Variants in VKORC1L1 observed in about 807,000 individuals in gnomAD.
The protein encoded by VKORC1L1 is vitamin K epoxide reductase complex subunit 1-like protein 1.
In VKORC1L1, 2 loss-of-function variants were observed where a neutral mutation model predicts 18.9. The observed-to-expected ratio is 0.11, with a 90% CI of 0.04 to 0.33. The LOEUF (loss-of-function observed/expected upper bound fraction) is 0.33, where lower values mean the gene tolerates loss of function less well. Among genes scored for constraint, VKORC1L1 ranks in the 10% least tolerant of loss-of-function variants. The probability of loss-of-function intolerance (pLI) is 1.00; values close to 1 mark genes in which losing one functional copy is unlikely to be tolerated. For missense variants in VKORC1L1, 123 were observed against 224.1 expected (o/e 0.55, Z 2.88); for synonymous variants, 96 against 100.0 (o/e 0.96, Z 0.24).
chr7:65,901,876 A>T (rs560306132), intron 1 of VKORC1L1, among the ~76,000 whole-genome samples: 2 of 152,304 alleles, frequency 1.3e-5, no homozygotes, highest in East Asian at 3.9e-4. Flanking sequence ...CTCAACACAG[A>T]GCTGGGAATA....
At chr7:65,874,302 T>C (rs558761065) in intron 1 of VKORC1L1, among the ~76,000 whole-genome samples, 16 of 152,168 alleles carry the variant, frequency 1.1e-4, no homozygotes, top group African/African-American at 2.9e-4. Context: ...TTAAGCTTCA[T>C]TGGAGTAAAG....
intron 1 of VKORC1L1, among the ~76,000 whole-genome samples, chr7:65,943,314 A>AC (rs1213539213): frequency 6.6e-6 from 1 of 152,228 alleles, no homozygotes; most frequent in African/African-American, 2.4e-5. Context: ...TATTGAGAGA[A>AC]ACCAGTAAAA....
chr7:65,928,103 T>A (rs1185043329), intron 1 of VKORC1L1, among the ~76,000 whole-genome samples: 1 of 151,198 alleles, frequency 6.6e-6, no homozygotes, highest in African/African-American at 2.4e-5. Flanking sequence ...AACTATTGAA[T>A]TTTTTTTTAA....
upstream of VKORC1L1, among the ~76,000 whole-genome samples, chr7:65,870,379 G>A (rs1245299467): frequency 2.0e-5 from 3 of 151,940 alleles, no homozygotes; most frequent in Admixed American, 1.3e-4. Flanking sequence ...GCAGTGAGTC[G>A]AGATTGCATC....
At chr7:65,895,526 C>G (rs1190761034) in intron 1 of VKORC1L1, among the ~76,000 whole-genome samples, 4 of 127,554 alleles carry the variant, frequency 3.1e-5, no homozygotes, top group African/African-American at 1.2e-4. Context: ...TACACACACA[C>G]ACACACACAC....
chr7:65,881,732 C>A (rs1301484051), intron 1 of VKORC1L1, among the ~76,000 whole-genome samples: 2 of 152,156 alleles, frequency 1.3e-5, no homozygotes, highest in Admixed American at 1.3e-4. Flanking sequence ...GTACTTGGGA[C>A]CTCCCTGTGT....
At chr7:65,879,584 G>C (rs1462478444) in intron 1 of VKORC1L1, among the ~76,000 whole-genome samples, 3 of 152,112 alleles carry the variant, frequency 2.0e-5, no homozygotes, top group African/African-American at 4.8e-5. Context: ...GTAGTACAGT[G>C]GCAGAGGCCT....
chr7:65,881,240 A>C (rs1788922965), intron 1 of VKORC1L1, among the ~76,000 whole-genome samples: 1 of 152,198 alleles, frequency 6.6e-6, no homozygotes, highest in Non-Finnish European at 1.5e-5. Flanking sequence ...TACACCTTTG[A>C]TTCACATTTT....
intron 1 of VKORC1L1, among the ~76,000 whole-genome samples, chr7:65,895,516 T>A (rs3112835): frequency 4.2e-5 from 3 of 71,582 alleles, no homozygotes; most frequent in African/African-American, 4.9e-5. Flanking sequence ...TATATATATA[T>A]ACACACACAC....
upstream of VKORC1L1, among the ~76,000 whole-genome samples, chr7:65,870,677 A>T (rs2116306386): frequency 6.6e-6 from 1 of 152,352 alleles, no homozygotes; most frequent in Non-Finnish European, 1.5e-5. Context: ...AAGCCAGATG[A>T]TCAAGAGATC....
upstream of VKORC1L1, among the ~76,000 whole-genome samples, chr7:65,871,382 GACGGGGTTTC>G (rs1788723816): frequency 2.0e-5 from 3 of 152,022 alleles, no homozygotes; most frequent in Admixed American, 2.0e-4. Context: ...TTTTAGTAGA[GACGGGGTTTC>G]ACCATGTTGG....
At chr7:65,870,171 T>C (rs1162054041), upstream of VKORC1L1, among the ~76,000 whole-genome samples, 2 of 151,060 alleles carry the variant, frequency 1.3e-5, no homozygotes, top group East Asian at 3.9e-4. Context: ...GGCTCACACC[T>C]GTAATCCCAA....
At chr7:65,921,834 C>A (rs1247310084) in intron 1 of VKORC1L1, among the ~76,000 whole-genome samples, 1 of 150,104 alleles carries the variant, frequency 6.7e-6, no homozygotes, top group Non-Finnish European at 1.5e-5. Context: ...GGCGACAGAG[C>A]GAGACTCCAT....
intron 1 of VKORC1L1, among the ~76,000 whole-genome samples, chr7:65,906,243 T>C (rs1041018053): frequency 6.6e-6 from 1 of 151,918 alleles, no homozygotes; most frequent in Non-Finnish European, 1.5e-5. Context: ...GAGACCAGCC[T>C]GGTGCCAGTG....
chr7:65,949,655 AC>A (rs905858242), intron 2 of VKORC1L1, among the ~76,000 whole-genome samples: 1 of 151,820 alleles, frequency 6.6e-6, no homozygotes, highest in African/African-American at 2.4e-5. Flanking sequence ...GTGGTGGCAC[AC>A]ACCTGTAGTC....
At chr7:65,872,152 C>T (rs575804555), upstream of VKORC1L1, among the ~76,000 whole-genome samples, 212 of 152,226 alleles carry the variant, frequency 1.4e-3, 2 homozygotes, top group Admixed American at 4.0e-3. Flanking sequence ...ACTATGTAAG[C>T]CCCTATGGCC....
chr7:65,903,899 A>G (rs1004885115), intron 1 of VKORC1L1, among the ~76,000 whole-genome samples: 5 of 152,210 alleles, frequency 3.3e-5, no homozygotes, highest in African/African-American at 1.2e-4. Context: ...CAAAGGATTG[A>G]AAAGTGCTAG....
chr7:65,938,894 G>A (rs764177719), intron 1 of VKORC1L1, among the ~76,000 whole-genome samples: 5 of 152,136 alleles, frequency 3.3e-5, no homozygotes, highest in South Asian at 2.1e-4. Context: ...CAAGCACTCC[G>A]GGGGCTTTGG....
At chr7:65,876,530 G>A (rs909053834) in intron 1 of VKORC1L1, among the ~76,000 whole-genome samples, 8 of 150,624 alleles carry the variant, frequency 5.3e-5, no homozygotes, top group Non-Finnish European at 8.9e-5. Context: ...GTTTACTTTC[G>A]TGTCCTTACT....
Sources: gnomAD v4.1 joint callset for allele counts (sites outside exome capture counted in the v4.1 genomes callset) on GRCh38, gnomAD v4.1.1 for gene constraint, MANE v1.5 for transcripts, NCBI Gene and HGNC (gene_info 2026-07-23, HGNC 2026-07-21) for gene names.